Variants in DPYS observed in about 807,000 individuals in gnomAD.
The protein encoded by DPYS is dihydropyrimidine amidohydrolase.
Under a neutral mutation model 50.3 loss-of-function variants are expected in DPYS, and 39 were observed. The observed-to-expected ratio is 0.78, with a 90% CI of 0.60 to 1.01. The LOEUF (loss-of-function observed/expected upper bound fraction) is 1.01. Ranked by LOEUF, DPYS falls within the 50% of genes least tolerant of loss-of-function variation. The pLI, the probability that DPYS is intolerant of heterozygous loss-of-function variation, is 0.00. For missense variants in DPYS, 659 were observed against 680.9 expected (o/e 0.97, Z 0.36); for synonymous variants, 245 against 250.7 (o/e 0.98, Z 0.22).
intron 7 of DPYS, among the ~76,000 whole-genome samples, chr8:104,407,489 A>G (rs1440926457): frequency 6.6e-6 from 1 of 152,226 alleles, no homozygotes; most frequent in East Asian, 1.9e-4. Context: ...TTAGGTCTAC[A>G]TAGGAGATTA....
At chr8:104,412,193 A>G (rs920280583) in intron 7 of DPYS, among the ~76,000 whole-genome samples, 1 of 152,218 alleles carries the variant, frequency 6.6e-6, no homozygotes, top group Non-Finnish European at 1.5e-5. Context: ...ACCGATGTCC[A>G]GGAGCGTTGG....
intron 2 of DPYS, 52 bp downstream of exon 2, chr8:104,451,194 C>T (rs1813723796): frequency 3.1e-6 from 5 of 1,610,586 alleles, no homozygotes; most frequent in Non-Finnish European, 4.2e-6. Context: ...TGCTCTTGTG[C>T]AGAGTGAGGA....
intron 1 of DPYS, among the ~76,000 whole-genome samples, 161 bp from the exon 2 acceptor site, chr8:104,451,565 T>A (rs1418435516): frequency 6.6e-6 from 1 of 152,214 alleles, no homozygotes; most frequent in Non-Finnish European, 1.5e-5. Context: ...AGGGCATGAA[T>A]AGACTTTTCA....
At chr8:104,410,242 A>T (rs564012464) in intron 7 of DPYS, among the ~76,000 whole-genome samples, 3 of 151,700 alleles carry the variant, frequency 2.0e-5, no homozygotes, top group African/African-American at 7.3e-5. Flanking sequence ...TTTCATCTTG[A>T]CTTATCCCCT....
At chr8:104,453,069 G>A (rs914213756) in intron 1 of DPYS, among the ~76,000 whole-genome samples, 10 of 151,968 alleles carry the variant, frequency 6.6e-5, no homozygotes, top group Middle Eastern at 3.4e-3. Context: ...CAGATACACC[G>A]GATGCCCTCA....
intron 7 of DPYS, among the ~76,000 whole-genome samples, chr8:104,407,649 G>C (rs958917419): frequency 3.3e-5 from 5 of 152,194 alleles, no homozygotes; most frequent in Admixed American, 2.6e-4. Context: ...AATGAGGCAT[G>C]AGAGGAGAAG....
intron 7 of DPYS, chr8:104,421,488 G>A (rs1451217932): frequency 6.6e-6 from 1 of 152,122 alleles, no homozygotes; most frequent in African/African-American, 2.4e-5. Flanking sequence ...AAAAAAATTA[G>A]CCGGGCGTAG....
chr8:104,421,140 C>T (rs1187682424), intron 7 of DPYS: 1 of 151,974 alleles, frequency 6.6e-6, no homozygotes, highest in East Asian at 1.9e-4. Context: ...TGTCTGGCAC[C>T]GAGGTGTACA....
At chr8:104,429,769 T>A in intron 4 of DPYS, 68 bp from the exon 5 acceptor site, 2 of 1,587,848 alleles carry the variant, frequency 1.3e-6, no homozygotes, top group Non-Finnish European at 8.6e-7. Flanking sequence ...GACAAACACA[T>A]AAATATTAAT....
chr8:104,438,487 T>C (rs1273545304), intron 4 of DPYS, among the ~76,000 whole-genome samples: 1 of 152,160 alleles, frequency 6.6e-6, no homozygotes, highest in Non-Finnish European at 1.5e-5. Flanking sequence ...TCACTTGACC[T>C]TGACACTTGG....
At chr8:104,399,308 A>AAAC (rs1296159080) in intron 7 of DPYS, among the ~76,000 whole-genome samples, 4 of 39,046 alleles carry the variant, frequency 1.0e-4, no homozygotes, top group East Asian at 4.0e-4. Context: ...AAAAAAAAAA[A>AAAC]AACAACAACA....
intron 2 of DPYS, among the ~76,000 whole-genome samples, chr8:104,449,307 T>C (rs541154865): frequency 6.6e-6 from 1 of 152,210 alleles, no homozygotes; most frequent in Admixed American, 6.5e-5. Context: ...ATTGCTTACA[T>C]GAAATATCTT....
At chr8:104,451,807 C>T (rs897758348) in intron 1 of DPYS, among the ~76,000 whole-genome samples, 1 of 152,192 alleles carries the variant, frequency 6.6e-6, no homozygotes, top group African/African-American at 2.4e-5. Context: ...TCTAACTGCC[C>T]TGTGGTACTC....
Position 104,466,727 on chromosome 8 carries a change from TCGATGCCTCCGGGCAGGA to T in DPYS, c.176_193del (p.Val59_Ile64del). 6.5e-7 allele frequency: 1 copy of T among 1,535,940 alleles called. No individual in the cohort carries two copies. Among genetic ancestry groups the T allele is most frequent in the African/African-American group, 1.4e-5 (1 of 72,578 alleles). On this transcript the variant is annotated inframe_deletion, in exon 1 of 10. Transcript: ENST00000351513. ...GGGGAACTGCATGTGCGTGTGTGTG[TCGATGCCTCCGGGCAGGA>T]CGAGCTTGCCGGCGGCGTCGAGGAC...
Position 104,409,037 on chromosome 8 carries a change from C to T in DPYS, c.1235+15210G>A, listed in dbSNP as rs143279308. ...CCATGTTGGCCAGGCTAGTTTTGAA[C>T]TCCTGACCTCGTGATCCCAAAGTGC... On this transcript the variant is annotated intron_variant, in intron 7 of 9. Coordinates refer to ENST00000351513, the MANE Select transcript of DPYS (RefSeq NM_001385.3). Among the ~76,000 whole-genome samples, 864 of 150,850 alleles carry T rather than the reference C, an allele frequency of 5.7e-3. 8 individuals carry two copies. The highest frequency in any genetic ancestry group is 0.019 in the African/African-American group (771 of 41,202).
At chr8:104,464,893 A>G (rs1814304769) in intron 1 of DPYS, among the ~76,000 whole-genome samples, 1 of 152,266 alleles carries the variant, frequency 6.6e-6, no homozygotes, top group South Asian at 2.1e-4. Flanking sequence ...TTCAGTGCAT[A>G]TTACTTTTTA....
At chr8:104,383,252 T>A (rs1436716802) in intron 8 of DPYS, among the ~76,000 whole-genome samples, 1 of 152,192 alleles carries the variant, frequency 6.6e-6, no homozygotes, top group Non-Finnish European at 1.5e-5. Context: ...GCCGCTTTCA[T>A]TTTTGTGTAA....
intron 8 of DPYS, among the ~76,000 whole-genome samples, chr8:104,382,257 T>C (rs2140498521): frequency 6.6e-6 from 1 of 152,224 alleles, no homozygotes; most frequent in African/African-American, 2.4e-5. Context: ...CTGCATCGGG[T>C]GTGCACTGAG....
intron 9 of DPYS, 85 bp from the exon 10 acceptor site, chr8:104,379,928 A>G (rs1478484044): frequency 2.3e-6 from 1 of 439,316 alleles, no homozygotes; most frequent in African/African-American, 2.0e-5. Flanking sequence ...AAGAAATGCT[A>G]TAATCAAAGT....
Sources: gnomAD v4.1 joint callset for allele counts (sites outside exome capture counted in the v4.1 genomes callset) on GRCh38, gnomAD v4.1.1 for gene constraint, MANE v1.5 for transcripts, NCBI Gene and HGNC (gene_info 2026-07-23, HGNC 2026-07-21) for gene names.